LMAN2: variants seen among roughly 807,000 people sequenced by gnomAD.
The protein encoded by LMAN2 is lectin, mannose binding 2.
Under a neutral mutation model 39.3 loss-of-function variants are expected in LMAN2, and 22 were observed. The ratio of observed to expected loss-of-function variants is 0.56; its 90% CI spans 0.40 to 0.80. The LOEUF (loss-of-function observed/expected upper bound fraction) is 0.80, where lower values mean the gene tolerates loss of function less well. LMAN2 is among the 30% of genes least tolerant of loss of function. LMAN2 has a pLI of 0.00. For synonymous variants in LMAN2, 207 were observed against 207.8 expected, an observed-to-expected ratio of 1.00 and a Z score of 0.03; for missense variants, 494 against 505.4, an observed-to-expected ratio of 0.98 and a Z score of 0.22.
chr5:177,337,535 G>T lies in LMAN2; in HGVS notation c.514-11C>A. ...GTACGGGAACACGCGCTGGGACCAA[G>T]ACATCGGTTACTCCACAAGCAGCCC... On this transcript the variant is annotated splice_polypyrimidine_tract_variant and intron_variant, in intron 4 of 7. Coordinates refer to ENST00000303127, the MANE Select transcript of LMAN2 (RefSeq NM_006816.3). The surrounding 1 kb of genome is among the most constrained non-coding windows in gnomAD (Gnocchi z 8.2). The T allele has an allele frequency of 6.2e-7, 1 of 1,613,256 alleles. No homozygotes were observed. The highest frequency in any genetic ancestry group is 8.5e-7 in the Non-Finnish European group (1 of 1,179,344).
chr5:177,331,858 C>T lies in LMAN2; in HGVS notation c.*228G>A. 1 of 499,698 alleles carries T rather than the reference C, an allele frequency of 2.0e-6. No individual in the cohort carries two copies. The highest frequency in any genetic ancestry group is 1.9e-5 in the African/African-American group (1 of 52,214). The allele number at this position is 499,698 out of a possible 1,614,324, so 31.0% of individuals were successfully genotyped here. On this transcript the variant is annotated 3_prime_UTR_variant, in exon 8 of 8. Coordinates refer to ENST00000303127, the MANE Select transcript of LMAN2 (RefSeq NM_006816.3). ...ACACAGACCCCTGCTCCTGAGACACCAGCCCCAGGAGAGCCTCCGTCTCCA... is the reference window on the plus strand; with the variant it reads ...ACACAGACCCCTGCTCCTGAGACACTAGCCCCAGGAGAGCCTCCGTCTCCA...
At position 177,331,832 on chromosome 5, in the gene LMAN2, GAC is replaced by G; in HGVS notation, c.*252_*253del. 2.3e-6 allele frequency: 1 copy of G among 429,922 alleles called. No individual in the cohort carries two copies. The highest frequency in any genetic ancestry group is 4.2e-6 in the Non-Finnish European group (1 of 238,878). 26.6% of individuals were successfully genotyped at this position (429,922 alleles called of 1,614,324 possible). A position where few individuals can be genotyped will look rare whatever the true frequency, so the allele number is the denominator to read the frequency against. ...CTGCAGGGGCCACAGCCCATCTGTA[GAC>G]ACAGACCCCTGCTCCTGAGACACCA... is the stretch of plus-strand genomic sequence containing the variant. On this transcript the variant is annotated 3_prime_UTR_variant, in exon 8 of 8. Coordinates refer to ENST00000303127, the MANE Select transcript of LMAN2 (RefSeq NM_006816.3).
At chr5:177,344,696 A>C (rs891271073) in intron 2 of LMAN2, among the ~76,000 whole-genome samples, 2 of 151,656 alleles carry the variant, frequency 1.3e-5, no homozygotes, top group African/African-American at 2.4e-5. Flanking sequence ...ACCTGAGGTC[A>C]GGAGCTCAAG....
chr5:177,332,019 A>C lies in LMAN2; in HGVS notation c.*67T>G. The stretch of plus-strand genomic sequence containing the variant: ...AAGGTCATCTTGTTGTTCTTTTATA[A>C]TCCCGGTAAAAAAAAAAGTTCACAT... On this transcript the variant is annotated 3_prime_UTR_variant, in exon 8 of 8. Transcript: ENST00000303127. This position sits in a 1 kb window ranked among gnomAD's most constrained non-coding sequence, Gnocchi z 6.3. 1.4e-6 allele frequency: 2 copies of C among 1,429,790 alleles called. No individual in the cohort carries two copies. The highest frequency in any genetic ancestry group is 1.3e-5 in the South Asian group (1 of 76,704). 88.6% of individuals were successfully genotyped at this position (1,429,790 alleles called of 1,614,324 possible). A position where few individuals can be genotyped will look rare whatever the true frequency, so the allele number is the denominator to read the frequency against.
At chr5:177,349,441 G>A (rs565500554) in intron 2 of LMAN2, among the ~76,000 whole-genome samples, 7 of 152,340 alleles carry the variant, frequency 4.6e-5, no homozygotes, top group African/African-American at 1.7e-4. Flanking sequence ...GAGTTTACAG[G>A]AAGCACTCCA....
At position 177,351,656 on chromosome 5, in the gene LMAN2, C is replaced by T. The variant is rs1581608282; in HGVS notation, c.-9G>A. ...CAGCCTTCCGCCGCCATTCTCCTCT[C>T]CTCTCGGCCACTTCCGCCCTAGAAC... On this transcript the variant is annotated 5_prime_UTR_variant, in exon 1 of 8. Coordinates refer to ENST00000303127, the MANE Select transcript of LMAN2 (RefSeq NM_006816.3). 1 of 1,571,106 alleles carries T rather than the reference C, an allele frequency of 6.4e-7. No homozygotes were observed. The highest frequency in any genetic ancestry group is 8.6e-7 in the Non-Finnish European group (1 of 1,162,142).
chr5:177,339,391 G>A (rs1356537545), intron 2 of LMAN2, among the ~76,000 whole-genome samples: 1 of 152,256 alleles, frequency 6.6e-6, no homozygotes, highest in Non-Finnish European at 1.5e-5. Flanking sequence ...TGTGGTACCA[G>A]CGCTGGGGAT....
intron 3 of LMAN2, among the ~76,000 whole-genome samples, chr5:177,338,080 C>A (rs1226499012): frequency 6.6e-6 from 1 of 152,100 alleles, no homozygotes; most frequent in East Asian, 1.9e-4. Context: ...CACAGGACAG[C>A]CCTACCCAGG....
In LMAN2 at chr5:177,332,044, T is replaced by C. The variant is rs766974485; in HGVS notation, c.*42A>G. On this transcript the variant is annotated 3_prime_UTR_variant, in exon 8 of 8. Coordinates refer to ENST00000303127, the MANE Select transcript of LMAN2 (RefSeq NM_006816.3). This position sits in a 1 kb window ranked among gnomAD's most constrained non-coding sequence, Gnocchi z 6.3. ...ATCCCGGTAAAAAAAAAAGTTCACA[T>C]TGGCTCCTGGGCCCAGGGACAGGCC... The C allele has an allele frequency of 1.3e-6, 2 of 1,539,672 alleles. No individual in the cohort carries two copies. Among genetic ancestry groups the C allele is most frequent in the Admixed American group, 2.2e-5 (1 of 46,318 alleles).
intron 2 of LMAN2, among the ~76,000 whole-genome samples, chr5:177,349,292 A>C (rs1484451831): frequency 6.6e-6 from 1 of 152,222 alleles, no homozygotes; most frequent in Non-Finnish European, 1.5e-5. Context: ...GCCTGAGTGC[A>C]TGCCTCTCCC....
chr5:177,340,856 GCCATTC>G (rs1761540894), intron 2 of LMAN2, among the ~76,000 whole-genome samples: 1 of 151,318 alleles, frequency 6.6e-6, no homozygotes, highest in Non-Finnish European at 1.5e-5. Flanking sequence ...CCGGGTTCAC[GCCATTC>G]TCCTGCCTCA....
At chr5:177,347,625 A>G (rs998033161) in intron 2 of LMAN2, among the ~76,000 whole-genome samples, 1 of 152,208 alleles carries the variant, frequency 6.6e-6, no homozygotes, top group Admixed American at 6.5e-5. Context: ...CACCAGGCCA[A>G]CTACATCAGA....
rs751038528 is a variant in LMAN2, at chr5:177,332,251, G to A, written c.911-5C>T. 8 of 1,611,436 alleles carry A rather than the reference G, an allele frequency of 5.0e-6. No homozygotes were observed. The East Asian group carries it at 8.9e-5, about 18-fold the overall frequency. ...CCGTGGGGTCGTCCACGTTGTCTGG[G>A]GGAGAAGAAACGGGGGAGCTGAAAC... On this transcript the variant is annotated splice_region_variant and splice_polypyrimidine_tract_variant and intron_variant, in intron 7 of 7. Coordinates refer to ENST00000303127, the MANE Select transcript of LMAN2 (RefSeq NM_006816.3). This position sits in a 1 kb window ranked among gnomAD's most constrained non-coding sequence, Gnocchi z 6.3.
intron 2 of LMAN2, among the ~76,000 whole-genome samples, chr5:177,344,170 A>AT: frequency 6.6e-6 from 1 of 150,586 alleles, no homozygotes; most frequent in South Asian, 2.1e-4. Flanking sequence ...ATGAGCTAGG[A>AT]TTGCACCACT....
chr5:177,350,342 G>C (rs368272452), intron 2 of LMAN2, among the ~76,000 whole-genome samples: 3 of 152,326 alleles, frequency 2.0e-5, no homozygotes, highest in East Asian at 1.9e-4. Context: ...AGCAGGTCCC[G>C]CTCCAAGCTG....
chr5:177,346,934 A>T (rs1044309084), intron 2 of LMAN2, among the ~76,000 whole-genome samples: 10 of 152,220 alleles, frequency 6.6e-5, no homozygotes, highest in Admixed American at 6.5e-5. Context: ...TGGGAAGCTC[A>T]GAAAGCAAGT....
intron 2 of LMAN2, among the ~76,000 whole-genome samples, chr5:177,341,871 T>C (rs922369122): frequency 6.6e-6 from 1 of 152,228 alleles, no homozygotes; most frequent in Non-Finnish European, 1.5e-5. Context: ...AAGTACACAT[T>C]ATCATTAGTC....
In LMAN2 at chr5:177,332,602, C is replaced by A. The variant is rs1025761574; in HGVS notation, c.911-356G>T. On this transcript the variant is annotated intron_variant, in intron 7 of 7. Coordinates refer to ENST00000303127, the MANE Select transcript of LMAN2 (RefSeq NM_006816.3). The surrounding 1 kb of genome is among the most constrained non-coding windows in gnomAD (Gnocchi z 6.3). ...AGTCTACATATCCAAGCCCCACCCC[C>A]ACGCTGTGGTCTGAGGGCCCTTTCT... 2.0e-5 allele frequency among the ~76,000 whole-genome samples: 3 copies of A among 152,154 alleles called. No individual in the cohort carries two copies. Among genetic ancestry groups the A allele is most frequent in the East Asian group, 1.9e-4 (1 of 5,184 alleles).
intron 2 of LMAN2, among the ~76,000 whole-genome samples, chr5:177,340,690 A>C (rs2127316608): frequency 6.6e-6 from 1 of 152,012 alleles, no homozygotes; most frequent in South Asian, 2.1e-4. Flanking sequence ...GAACTGCTTG[A>C]ATCTGGGAGG....
Sources: gnomAD v4.1 joint callset for allele counts (sites outside exome capture counted in the v4.1 genomes callset) on GRCh38, gnomAD v4.1.1 for gene constraint, Gnocchi (gnomAD v3.1) non-coding constraint, MANE v1.5 for transcripts, NCBI Gene and HGNC (gene_info 2026-07-23, HGNC 2026-07-21) for gene names.